Variants in RBM24 observed in about 807,000 individuals in gnomAD.
RBM24 encodes RNA-binding protein 24.
Under a neutral mutation model 23.6 loss-of-function variants are expected in RBM24, and 5 were observed. The observed-to-expected ratio is 0.21, with a 90% CI of 0.11 to 0.45. RBM24 has a LOEUF of 0.45. RBM24 is among the 20% of genes least tolerant of loss of function. The pLI, the probability that RBM24 is intolerant of heterozygous loss-of-function variation, is 0.99. For synonymous variants in RBM24, 151 were observed against 129.5 expected, an observed-to-expected ratio of 1.17 and a Z score of -1.13; for missense variants, 252 against 314.6, an observed-to-expected ratio of 0.80 and a Z score of 1.51.
chr6:17,284,929 G>A (rs10456798), intron 3 of RBM24: 59,266 of 407,744 alleles, frequency 0.15, 4,794 homozygotes, highest in Middle Eastern at 0.21. Flanking sequence ...CAAATTTTGA[G>A]CTTATGATTA....
At chr6:17,287,707 G>C (rs1306127325) in intron 3 of RBM24, among the ~76,000 whole-genome samples, 1 of 152,098 alleles carries the variant, frequency 6.6e-6, no homozygotes, top group Non-Finnish European at 1.5e-5. Flanking sequence ...TACTCGGGAG[G>C]CTGAGGCAGG....
chr6:17,289,657 G>A, intron 3 of RBM24: 1 of 985,370 alleles, frequency 1.0e-6, no homozygotes. Flanking sequence ...GAGTACAAGG[G>A]GTTAAGGTTT....
In RBM24 at chr6:17,281,638, C is replaced by A; in HGVS notation, c.57C>A (p.Pro19=). 1 of 1,549,898 alleles carries A rather than the reference C, an allele frequency of 6.5e-7. No individual in the cohort carries two copies. The highest frequency in any genetic ancestry group is 1.2e-5 in the South Asian group (1 of 84,000). ...CCAAGATCTTCGTCGGGGGGCTGCCCTACCACACCACCGACGCCAGCCTGC... is the reference window on the plus strand; with the variant it reads ...CCAAGATCTTCGTCGGGGGGCTGCCATACCACACCACCGACGCCAGCCTGC... The part of the protein sequence containing the change: ...TYTKIFVGGL[P]YHTTDASLRK... Residue 19 remains proline, a synonymous_variant, in exon 1 of 4, where the codon CCC becomes CCA. Transcript: ENST00000379052. The surrounding 1 kb of genome is among the most constrained non-coding windows in gnomAD (Gnocchi z 7.1).
In RBM24 at chr6:17,291,982, G is replaced by A. The variant is rs1760376813; in HGVS notation, c.574G>A (p.Gly192Ser). 6.2e-7 allele frequency: 1 copy of A among 1,609,646 alleles called. No homozygotes were observed. The highest frequency in any genetic ancestry group is 8.5e-7 in the Non-Finnish European group (1 of 1,179,182). ...TGCTGCAGGATATGTTACTGCTGGG[G>A]GCTATGGCTACGCAGTCCAGCAGCC... Reference protein sequence around the residue: ...PAAAGYVTAGGYGYAVQQPIT... With the variant: ...PAAAGYVTAGSYGYAVQQPIT... The change falls in exon 4 of 4, where the codon GGC becomes AGC. Residue 192 changes from glycine to serine, a missense_variant. Transcript: ENST00000379052.
At chr6:17,286,275 A>G (rs539991630) in intron 3 of RBM24, among the ~76,000 whole-genome samples, 2 of 151,604 alleles carry the variant, frequency 1.3e-5, no homozygotes, top group East Asian at 3.9e-4. Flanking sequence ...TACTTAGCAA[A>G]TCCCCATCCA....
At chr6:17,290,941 GAGAA>G (rs1760339107) in intron 3 of RBM24, 1 of 1,146,866 alleles carries the variant, frequency 8.7e-7, no homozygotes, top group South Asian at 1.3e-5. Flanking sequence ...GGAAAAAAAA[GAGAA>G]AGAAAGAAAA....
At position 17,282,853 on chromosome 6, in the gene RBM24, A is replaced by G; in HGVS notation, c.217A>G (p.Asn73Asp). ...TGCCGAAAGGGCCTGCAAGGATCCC[A>G]ATCCCATCATTGATGGCAGAAAGGC... ...AAAERACKDP[N>D]PIIDGRKANV... The change falls in exon 2 of 4, where the codon AAT (asparagine) becomes GAT (aspartate). Residue 73 changes from asparagine to aspartate, a missense_variant. Transcript: ENST00000379052. The G allele has an allele frequency of 6.2e-7, 1 of 1,614,156 alleles. No individual in the cohort carries two copies. The highest frequency in any genetic ancestry group is 8.5e-7 in the Non-Finnish European group (1 of 1,180,036).
intron 3 of RBM24, among the ~76,000 whole-genome samples, chr6:17,290,512 T>G (rs1760326581): frequency 6.6e-6 from 1 of 152,212 alleles, no homozygotes; most frequent in East Asian, 1.9e-4. Flanking sequence ...GTAACGTCAT[T>G]GGAGTCTGTC....
rs757375091 is a variant in RBM24 at position 17,282,375 on chromosome 6, C to T, written c.169-430C>T. The T allele has an allele frequency of 5.6e-5, 41 of 731,598 alleles. 2 individuals carry two copies. Among genetic ancestry groups the T allele is most frequent in the South Asian group, 3.6e-4 (25 of 69,858 alleles). The allele number at this position is 731,598 out of a possible 1,614,324, so 45.3% of individuals were successfully genotyped here. A position where few individuals can be genotyped will look rare whatever the true frequency, so the allele number is the denominator to read the frequency against. On this transcript the variant is annotated intron_variant, in intron 1 of 3. Coordinates refer to ENST00000379052, the MANE Select transcript of RBM24 (RefSeq NM_001143942.2). ...AGCTATTGTCGTTGGGGAGTGTTTT[C>T]GAGGTTGGGAGCGTTGGGCGGATGT...
At chr6:17,284,769 C>T (rs907849025) in intron 3 of RBM24, 58 bp downstream of exon 3, 29 of 1,312,854 alleles carry the variant, frequency 2.2e-5, no homozygotes, top group Non-Finnish European at 3.0e-5. Context: ...TGTTAACGTG[C>T]CTCTTTGTTA....
chr6:17,287,922 C>T (rs889575734), intron 3 of RBM24, among the ~76,000 whole-genome samples: 6 of 152,130 alleles, frequency 3.9e-5, no homozygotes, highest in Admixed American at 3.9e-4. Context: ...GGTGTGGTAA[C>T]ACTGTGCTTA....
In RBM24 at chr6:17,292,340, C is replaced by T; in HGVS notation, c.*221C>T. 1 of 351,634 alleles carries T rather than the reference C, an allele frequency of 2.8e-6. No individual in the cohort carries two copies. Among genetic ancestry groups the T allele is most frequent in the Non-Finnish European group, 5.0e-6 (1 of 199,048 alleles). The allele number at this position is 351,634 out of a possible 1,614,324, so 21.8% of individuals were successfully genotyped here. A position where few individuals can be genotyped will look rare whatever the true frequency, so the allele number is the denominator to read the frequency against. On this transcript the variant is annotated 3_prime_UTR_variant, in exon 4 of 4. Transcript: ENST00000379052. ...TGGGCACAATTTTGGAAATCAATCC[C>T]AAAGAGCCTGAGTAAATGAAAGGCC...
chr6:17,287,736 A>G lies in RBM24; in HGVS notation c.347+3025A>G, dbSNP rs547321514. Among the ~76,000 whole-genome samples, 6 of 152,114 alleles carry G rather than the reference A, an allele frequency of 3.9e-5. No homozygotes were observed. The South Asian group carries it at 1.2e-3, about 32-fold the overall frequency. On this transcript the variant is annotated intron_variant, in intron 3 of 3. Transcript: ENST00000379052. ...AGGCAGGAGAATGGCGTGAACCCAG[A>G]AGGCGGAGCTTGCAGCGAGCCGAGA...
At chr6:17,289,787 G>A (rs1054529047) in intron 3 of RBM24, 70 of 1,055,722 alleles carry the variant, frequency 6.6e-5, no homozygotes, top group African/African-American at 1.2e-4. Context: ...AAAATAGCCC[G>A]GCTGCAGCCC....
intron 1 of RBM24, chr6:17,282,144 T>C: frequency 8.2e-7 from 1 of 1,226,818 alleles, no homozygotes; most frequent in Non-Finnish European, 1.0e-6. Flanking sequence ...GTGTTTTGGC[T>C]GGGGCAGGGA....
chr6:17,292,214 C>A lies in RBM24; in HGVS notation c.*95C>A. The A allele has an allele frequency of 2.6e-6, 3 of 1,161,812 alleles. No individual in the cohort carries two copies. The highest frequency in any genetic ancestry group is 3.5e-6 in the Non-Finnish European group (3 of 863,356). 72.0% of individuals were successfully genotyped at this position (1,161,812 alleles called of 1,614,324 possible). ...AAGAGAGTTAACATTGACTTAACAGCTTTAAAAAAAAAAACAGCCATGCTA... is the reference window on the plus strand; with the variant it reads ...AAGAGAGTTAACATTGACTTAACAGATTTAAAAAAAAAAACAGCCATGCTA... On this transcript the variant is annotated 3_prime_UTR_variant, in exon 4 of 4. Transcript: ENST00000379052.
Position 17,283,319 on chromosome 6 carries a change from C to T in RBM24, c.292+391C>T, listed in dbSNP as rs76264004. Among the ~76,000 whole-genome samples the T allele has an allele frequency of 6.4e-3, 977 of 152,300 alleles. 12 individuals are homozygous for T. Among genetic ancestry groups the T allele is most frequent in the African/African-American group, 0.022 (927 of 41,570 alleles). Reference sequence around the variant, plus strand: ...TACTTCCCTACTTAGTGGTGTCTCTCCTTTTAGCACCAGTTGCACTGTGCT... The same window carrying T: ...TACTTCCCTACTTAGTGGTGTCTCTTCTTTTAGCACCAGTTGCACTGTGCT... On this transcript the variant is annotated intron_variant, in intron 2 of 3. Coordinates refer to ENST00000379052, the MANE Select transcript of RBM24 (RefSeq NM_001143942.2).
Position 17,293,244 on chromosome 6 carries a change from C to T in RBM24, c.*1125C>T, listed in dbSNP as rs1165720140. 6.6e-6 allele frequency: 1 copy of T among 152,542 alleles called. No homozygotes were observed. Among genetic ancestry groups the T allele is most frequent in the Non-Finnish European group, 1.5e-5 (1 of 68,022 alleles). 9.4% of individuals were successfully genotyped at this position (152,542 alleles called of 1,614,324 possible). A position where few individuals can be genotyped will look rare whatever the true frequency, so the allele number is the denominator to read the frequency against. On this transcript the variant is annotated 3_prime_UTR_variant, in exon 4 of 4. Transcript: ENST00000379052. ...TTAAGATATTTATTTTTAAGTTTTA[C>T]TATGCTGCACTCTAAAGAAAGGAAC...
At chr6:17,282,518 G>A in intron 1 of RBM24, 1 of 511,130 alleles carries the variant, frequency 2.0e-6, no homozygotes, top group South Asian at 1.9e-5. Flanking sequence ...CCAAATCTCG[G>A]CTAGGCCCTA....
Sources: gnomAD v4.1 joint callset for allele counts (sites outside exome capture counted in the v4.1 genomes callset) on GRCh38, gnomAD v4.1.1 for gene constraint, Gnocchi (gnomAD v3.1) non-coding constraint, MANE v1.5 for transcripts, NCBI Gene and HGNC (gene_info 2026-07-23, HGNC 2026-07-21) for gene names.